Variants in MYO5B observed in about 807,000 individuals in gnomAD.
MYO5B encodes the protein unconventional myosin-Vb.
Under a neutral mutation model 229.3 loss-of-function variants are expected in MYO5B, and 143 were observed. That is an observed-to-expected ratio of 0.62 (90% confidence interval 0.54 to 0.72). The LOEUF (loss-of-function observed/expected upper bound fraction) is 0.72, where lower values mean the gene tolerates loss of function less well. MYO5B is among the 30% of genes least tolerant of loss of function. MYO5B has a pLI of 0.00. For synonymous variants in MYO5B, 918 were observed against 885.2 expected, an observed-to-expected ratio of 1.04 and a Z score of -0.66; for missense variants, 2,321 against 2,331.0, an observed-to-expected ratio of 1.00 and a Z score of 0.09.
chr18:49,876,621 C>T lies in MYO5B; in HGVS notation c.3397-794G>A, dbSNP rs931053574. On this transcript the variant is annotated intron_variant, in intron 25 of 39. Transcript: ENST00000285039. ...GAACATAAAACCAGTGATGACAATG[C>T]TTATGTCTACATGTAGATAGTCACA... Among the ~76,000 whole-genome samples the T allele has an allele frequency of 5.9e-5, 9 of 152,342 alleles. 1 individual carries two copies. In the South Asian group the frequency reaches 1.7e-3, roughly 28 times the overall value.
chr18:50,102,255 G>A lies in MYO5B; in HGVS notation c.28-46877C>T, dbSNP rs570723029. 6.0e-4 allele frequency among the ~76,000 whole-genome samples: 91 copies of A among 152,186 alleles called. 1 individual carries two copies. Among genetic ancestry groups the A allele is most frequent in the African/African-American group, 2.1e-3 (86 of 41,508 alleles). On this transcript the variant is annotated intron_variant, in intron 1 of 39. Coordinates refer to ENST00000285039, the MANE Select transcript of MYO5B (RefSeq NM_001080467.3). ...CATACACTGAGAACTGTTGTGGGGC[G>A]AGGGGAGAGACGAGTTAATAGGTAC...
chr18:50,136,664 A>T (rs1204651231), intron 1 of MYO5B, among the ~76,000 whole-genome samples: 1 of 152,192 alleles, frequency 6.6e-6, no homozygotes, highest in Non-Finnish European at 1.5e-5. Flanking sequence ...AGGAGTACGG[A>T]TCTTAGGGTC....
rs762039116 is a variant in MYO5B, at chr18:49,839,231, C to T, written c.4765G>A (p.Glu1589Lys). The change falls in exon 36 of 40, where the codon GAA becomes AAA. Residue 1589 changes from glutamate (E) to lysine (K), a missense_variant. This residue lies in a region of MYO5B where 2,113 missense variants were observed against 2,044.7 expected (regional missense o/e 1.03). Transcript: ENST00000285039. Reference protein sequence around the residue: ...EHCLKNFDLTEYRQVLSDLSI... With the variant: ...EHCLKNFDLTKYRQVLSDLSI... ...AGGTCACTCAGCACCTGACGGTATT[C>T]GGTGAGGTCAAAATTCTTAAGACAG... The T allele has an allele frequency of 3.1e-5, 50 of 1,614,038 alleles. No homozygotes were observed. The highest frequency in any genetic ancestry group is 4.0e-5 in the African/African-American group (3 of 74,926).
intron 1 of MYO5B, among the ~76,000 whole-genome samples, chr18:50,099,587 C>G (rs1363176198): frequency 1.3e-5 from 2 of 152,156 alleles, no homozygotes; most frequent in Non-Finnish European, 2.9e-5. Flanking sequence ...CAGGCCACCA[C>G]AGAACACAAG....
At chr18:49,963,575 C>T (rs912151154) in intron 10 of MYO5B, among the ~76,000 whole-genome samples, 12 of 151,960 alleles carry the variant, frequency 7.9e-5, no homozygotes, top group Admixed American at 2.6e-4. Flanking sequence ...TGCAGGCACA[C>T]GCCACCATGC....
At chr18:49,896,574 T>C (rs897671579) in intron 21 of MYO5B, among the ~76,000 whole-genome samples, 5 of 152,060 alleles carry the variant, frequency 3.3e-5, no homozygotes, top group African/African-American at 1.2e-4. Context: ...TCTCTCTAGA[T>C]GGCACAGCCT....
At chr18:50,074,228 G>C (rs533092130) in intron 1 of MYO5B, among the ~76,000 whole-genome samples, 1 of 152,076 alleles carries the variant, frequency 6.6e-6, no homozygotes, top group African/African-American at 2.4e-5. Flanking sequence ...AGACTTATTC[G>C]CTATCATGAG....
rs1467023010 is a variant in MYO5B, at chr18:49,847,202, C to T, written c.4403G>A (p.Gly1468Asp). 1 of 1,614,156 alleles carries T rather than the reference C, an allele frequency of 6.2e-7. No homozygotes were observed. The highest frequency in any genetic ancestry group is 1.7e-5 in the Admixed American group (1 of 60,028). The change falls in exon 33 of 40, where the codon GGC (glycine) becomes GAC (aspartate). Residue 1468 changes from glycine (G) to aspartate (D), a missense_variant. Transcript: ENST00000285039. ...TVQRKEKDFQ[G>D]MLEYHKEDEA... ...GTCCTCTTTGTGGTACTCCAGCATGCCCTGGAAATCCTTCTCTTTCCGCTG... is the reference window on the plus strand; with the variant it reads ...GTCCTCTTTGTGGTACTCCAGCATGTCCTGGAAATCCTTCTCTTTCCGCTG...
intron 1 of MYO5B, among the ~76,000 whole-genome samples, chr18:50,096,966 T>C (rs1192745967): frequency 6.6e-6 from 1 of 152,122 alleles, no homozygotes; most frequent in African/African-American, 2.4e-5. Flanking sequence ...CTGGCATCCA[T>C]CCACAGGGTC....
chr18:49,906,769 C>G, intron 18 of MYO5B, 139 bp from the exon 19 acceptor site: 1 of 773,958 alleles, frequency 1.3e-6, no homozygotes, highest in East Asian at 2.7e-5. Flanking sequence ...CACAAAGTCT[C>G]AGCATTTGCT....
At chr18:49,873,841 G>A (rs1188441416) in intron 26 of MYO5B, among the ~76,000 whole-genome samples, 1 of 152,180 alleles carries the variant, frequency 6.6e-6, no homozygotes, top group African/African-American at 2.4e-5. Flanking sequence ...CAAATGCACT[G>A]ACTGTAGACT....
intron 19 of MYO5B, among the ~76,000 whole-genome samples, chr18:49,905,312 A>T (rs1367735995): frequency 6.6e-6 from 1 of 152,094 alleles, no homozygotes; most frequent in Non-Finnish European, 1.5e-5. Flanking sequence ...GGCCCAGACC[A>T]ATCTCTGTTT....
At chr18:50,165,786 A>AAAGG (rs58511275) in intron 1 of MYO5B, among the ~76,000 whole-genome samples, 57,176 of 150,052 alleles carry the variant, frequency 0.38, 12,421 homozygotes, top group Non-Finnish European at 0.5. Context: ...TGAAAGAAAA[A>AAAGG]AAGGAAGGAA....
rs755338257 is a variant in MYO5B, at chr18:49,853,637, C to T, written c.4033G>A (p.Ala1345Thr). The T allele has an allele frequency of 1.6e-5, 25 of 1,612,498 alleles. No homozygotes were observed. The highest frequency in any genetic ancestry group is 1.7e-4 in the Middle Eastern group (1 of 5,956). Residue 1345 changes from alanine to threonine, a missense_variant, in exon 31 of 40, where the codon GCT becomes ACT. Ala to Thr is a moderately conservative substitution (Grantham distance 58). Coordinates refer to ENST00000285039, the MANE Select transcript of MYO5B (RefSeq NM_001080467.3). ...TCCAGGCTCTGGGCCTGCAGCTGAG[C>T]CTCCAGCAGCCTGTGCCAGGGAGAG... ...GLKQVARLLE[A>T]QLQAQSLEHE... is the part of the protein sequence containing the mutation.
intron 4 of MYO5B, among the ~76,000 whole-genome samples, chr18:50,028,197 C>A (rs2026351533): frequency 6.6e-6 from 1 of 152,092 alleles, no homozygotes; most frequent in Non-Finnish European, 1.5e-5. Context: ...TTATTTACAT[C>A]CCATTAAAGC....
At chr18:49,836,224 C>G (rs1351375169) in intron 38 of MYO5B, among the ~76,000 whole-genome samples, 2 of 152,078 alleles carry the variant, frequency 1.3e-5, no homozygotes, top group African/African-American at 4.8e-5. Context: ...TTAAATGCCC[C>G]TAAGTTCTTA....
At chr18:49,940,979 A>C (rs1291168672) in intron 14 of MYO5B, among the ~76,000 whole-genome samples, 1 of 152,256 alleles carries the variant, frequency 6.6e-6, no homozygotes, top group Non-Finnish European at 1.5e-5. Context: ...AAGTTCATAC[A>C]TCTTAGTAGC....
intron 18 of MYO5B, among the ~76,000 whole-genome samples, chr18:49,908,672 A>T: frequency 6.6e-6 from 1 of 152,194 alleles, no homozygotes; most frequent in East Asian, 1.9e-4. Context: ...ATGAAGATTC[A>T]GGCTTGCACG....
rs2029968204 is a variant in MYO5B at position 50,040,131 on chromosome 18, C to G, written c.310+12G>C. Reference sequence around the variant, plus strand: ...TTCCAACGCATGCAGCCAACAGATGCCCCCCACTTACCACAGTAAGTGTAG... The same window carrying G: ...TTCCAACGCATGCAGCCAACAGATGGCCCCCACTTACCACAGTAAGTGTAG... On this transcript the variant is annotated intron_variant, in intron 3 of 39. Transcript: ENST00000285039. The G allele has an allele frequency of 2.5e-6, 4 of 1,613,682 alleles. No individual in the cohort carries two copies. The highest frequency in any genetic ancestry group is 3.3e-5 in the Admixed American group (2 of 59,998).
Sources: allele counts gnomAD v4.1 joint callset (sites outside exome capture counted in the v4.1 genomes callset), GRCh38; gene constraint gnomAD v4.1.1; regional missense constraint gnomAD v4.1.1; transcripts MANE v1.5; gene names NCBI Gene and HGNC (gene_info 2026-07-23, HGNC 2026-07-21).